Variants in NRCAM observed in about 807,000 individuals in gnomAD.
NRCAM encodes the protein neuronal cell adhesion molecule, also known as NgCAM-related cell adhesion molecule.
Under a neutral mutation model 156.5 loss-of-function variants are expected in NRCAM, and 83 were observed. The observed-to-expected ratio is 0.53, with a 90% CI of 0.44 to 0.64. The LOEUF (loss-of-function observed/expected upper bound fraction) is 0.64, where lower values mean the gene tolerates loss of function less well. Ranked by LOEUF, NRCAM falls within the 30% of genes least tolerant of loss-of-function variation. The pLI is 0.00. For missense variants in NRCAM, 1,417 were observed against 1,597.3 expected (o/e 0.89, Z 1.92); for synonymous variants, 538 against 563.9 (o/e 0.95, Z 0.65).
intron 3 of NRCAM, among the ~76,000 whole-genome samples, chr7:108,249,965 A>G (rs531563738): frequency 6.6e-6 from 1 of 152,304 alleles, no homozygotes; most frequent in African/African-American, 2.4e-5. Context: ...TATATACCCA[A>G]AAGAAGGGAA....
Position 108,181,899 on chromosome 7 carries a change from C to T in NRCAM, c.2569G>A (p.Val857Met), listed in dbSNP as rs944882205. 1.9e-6 allele frequency: 3 copies of T among 1,613,988 alleles called. No homozygotes were observed. The highest frequency in any genetic ancestry group is 2.5e-6 in the Non-Finnish European group (3 of 1,180,006). ...VAPGNVRVNV[V>M]NSTLAEVHWD... The stretch of plus-strand genomic sequence containing the variant: ...TGCACCTCGGCTAAGGTACTGTTCA[C>T]CACATTCACACGCACGTTCCCAGGA... The change falls in exon 24 of 33, where the codon GTG (valine) becomes ATG (methionine). Residue 857 changes from valine (V) to methionine (M), a missense_variant. Around this residue, in one of 2 missense-constraint regions of NRCAM, gnomAD observed 1,238 missense variants for 1,336.4 expected, o/e 0.93. Transcript: ENST00000379028.
At chr7:108,206,381 C>G (rs758604957) in intron 13 of NRCAM, among the ~76,000 whole-genome samples, 10 of 152,182 alleles carry the variant, frequency 6.6e-5, no homozygotes, top group Non-Finnish European at 1.5e-4. Flanking sequence ...GACTTGGAGG[C>G]AGTCAAAGCC....
chr7:108,151,241 AG>A (rs142701464), intron 32 of NRCAM, among the ~76,000 whole-genome samples: 10,851 of 152,236 alleles, frequency 0.071, 681 homozygotes, highest in African/African-American at 0.17. Flanking sequence ...AGGCAATGAC[AG>A]GATCTAACAT....
At chr7:108,379,883 G>A (rs553901377) in intron 2 of NRCAM, among the ~76,000 whole-genome samples, 2 of 152,002 alleles carry the variant, frequency 1.3e-5, no homozygotes, top group Non-Finnish European at 2.9e-5. Flanking sequence ...AAAAAATAAC[G>A]CACTGGTTTA....
chr7:108,152,231 T>G (rs2042072987), intron 32 of NRCAM, among the ~76,000 whole-genome samples: 2 of 152,114 alleles, frequency 1.3e-5, no homozygotes, highest in Non-Finnish European at 2.9e-5. Context: ...TGGCATTTAA[T>G]AAGATGTCCA....
chr7:108,425,399 T>C (rs1052555801), intron 1 of NRCAM, among the ~76,000 whole-genome samples: 6 of 152,150 alleles, frequency 3.9e-5, no homozygotes, highest in Non-Finnish European at 8.8e-5. Flanking sequence ...CTCCTATGAC[T>C]CTGCAAAGTG....
chr7:108,416,056 G>A (rs931547774), intron 1 of NRCAM, among the ~76,000 whole-genome samples: 1 of 148,488 alleles, frequency 6.7e-6, no homozygotes, highest in South Asian at 2.1e-4. Flanking sequence ...AAACATTTCA[G>A]AAACATTTCA....
chr7:108,192,163 G>A (rs1190780304), intron 17 of NRCAM, among the ~76,000 whole-genome samples: 1 of 152,176 alleles, frequency 6.6e-6, no homozygotes, highest in African/African-American at 2.4e-5. Context: ...GGCTGCAGAG[G>A]GGACCGCTGC....
In NRCAM at chr7:108,296,256, C is replaced by T. The variant is rs144483231; in HGVS notation, c.-107+16409G>A. 1.5e-3 allele frequency among the ~76,000 whole-genome samples: 227 copies of T among 152,300 alleles called. 1 individual carries two copies. Among genetic ancestry groups the T allele is most frequent in the Non-Finnish European group, 2.2e-3 (152 of 68,024 alleles). On this transcript the variant is annotated intron_variant, in intron 3 of 32. Coordinates refer to ENST00000379028, the MANE Select transcript of NRCAM (RefSeq NM_001037132.4). ...GAAGCTAGGAAAACTTCTCTGTGGT[C>T]TCTTCCAATCGTGCACATTTTCTTA...
In NRCAM at chr7:108,309,753, AG is replaced by A. The variant is rs558456055; in HGVS notation, c.-107+2911del. ...GCATCTGTAATTGTAGCTACTCAGG[AG>A]GCTGAGGGATGAGAATCACTTGAAC... On this transcript the variant is annotated intron_variant, in intron 3 of 32. Coordinates refer to ENST00000379028, the MANE Select transcript of NRCAM (RefSeq NM_001037132.4). 1.1e-4 allele frequency among the ~76,000 whole-genome samples: 16 copies of A among 152,242 alleles called. No homozygotes were observed. The East Asian group carries it at 3.1e-3, about 29-fold the overall frequency.
At chr7:108,359,118 A>G (rs2099530475) in intron 2 of NRCAM, among the ~76,000 whole-genome samples, 1 of 152,150 alleles carries the variant, frequency 6.6e-6, no homozygotes, top group African/African-American at 2.4e-5. Flanking sequence ...TTTTACCAAT[A>G]TTCCCTCCCC....
intron 13 of NRCAM, among the ~76,000 whole-genome samples, chr7:108,202,920 C>A (rs189767432): frequency 6.6e-6 from 1 of 152,112 alleles, no homozygotes; most frequent in African/African-American, 2.4e-5. Context: ...ATACAACGCA[C>A]GCTGGAAACT....
intron 3 of NRCAM, among the ~76,000 whole-genome samples, chr7:108,278,495 G>A (rs528541082): frequency 6.6e-6 from 1 of 152,300 alleles, no homozygotes; most frequent in East Asian, 1.9e-4. Context: ...CAAGCTCCAG[G>A]GTCCCAGGTC....
At chr7:108,188,297 C>A (rs1040822620) in intron 20 of NRCAM, among the ~76,000 whole-genome samples, 1 of 151,978 alleles carries the variant, frequency 6.6e-6, no homozygotes, top group Non-Finnish European at 1.5e-5. Context: ...TGCAGTGGAG[C>A]CTTAGAGAAG....
At chr7:108,268,157 C>T (rs1288127382) in intron 3 of NRCAM, among the ~76,000 whole-genome samples, 1 of 152,304 alleles carries the variant, frequency 6.6e-6, no homozygotes, top group South Asian at 2.1e-4. Context: ...AGACTATATT[C>T]TCTTCAAAAA....
intron 13 of NRCAM, among the ~76,000 whole-genome samples, chr7:108,200,950 A>G (rs1024934592): frequency 3.9e-5 from 6 of 152,166 alleles, no homozygotes; most frequent in East Asian, 1.9e-4. Context: ...ACACAAAGGC[A>G]TAAGAATGAT....
intron 2 of NRCAM, among the ~76,000 whole-genome samples, chr7:108,340,043 G>A (rs2099257605): frequency 6.6e-6 from 1 of 152,130 alleles, no homozygotes; most frequent in Admixed American, 6.6e-5. Context: ...AGTGCCATAT[G>A]TACAAACTTT....
chr7:108,410,478 C>A (rs1461909318), intron 1 of NRCAM, among the ~76,000 whole-genome samples: 1 of 152,194 alleles, frequency 6.6e-6, no homozygotes, highest in African/African-American at 2.4e-5. Flanking sequence ...CCTCACTGTA[C>A]ATGAAACTCC....
At chr7:108,428,316 T>A (rs1448720571) in intron 1 of NRCAM, among the ~76,000 whole-genome samples, 1 of 152,202 alleles carries the variant, frequency 6.6e-6, no homozygotes, top group African/African-American at 2.4e-5. Context: ...ATAGCCTGTA[T>A]CAGTTGTGCC....
Sources: gnomAD v4.1 joint callset for allele counts (sites outside exome capture counted in the v4.1 genomes callset) on GRCh38, gnomAD v4.1.1 for gene constraint, gnomAD v4.1.1 regional missense constraint, MANE v1.5 for transcripts, NCBI Gene and HGNC (gene_info 2026-07-23, HGNC 2026-07-21) for gene names.